PTPRT: variants seen among roughly 807,000 people sequenced by gnomAD.
PTPRT encodes the protein receptor-type tyrosine-protein phosphatase T.
PTPRT carries 56 observed loss-of-function variants against 176.8 expected under a neutral mutation model. The observed-to-expected ratio is 0.32, with a 90% CI of 0.26 to 0.40. The LOEUF (loss-of-function observed/expected upper bound fraction) is 0.40. Among genes scored for constraint, PTPRT ranks in the 10% least tolerant of loss-of-function variants. The pLI, the probability that PTPRT is intolerant of heterozygous loss-of-function variation, is 1.00. For synonymous variants in PTPRT, 783 were observed against 739.0 expected, an observed-to-expected ratio of 1.06 and a Z score of -0.96; for missense variants, 1,540 against 1,908.2, an observed-to-expected ratio of 0.81 and a Z score of 3.60.
intron 6 of PTPRT, among the ~76,000 whole-genome samples, chr20:42,717,845 A>G (rs2076248231): frequency 6.6e-6 from 1 of 152,128 alleles, no homozygotes; most frequent in African/African-American, 2.4e-5. Flanking sequence ...TATCCAATTC[A>G]AACACATGAC....
intron 15 of PTPRT, among the ~76,000 whole-genome samples, chr20:42,209,022 T>A (rs1032523868): frequency 3.9e-5 from 6 of 152,178 alleles, no homozygotes; most frequent in African/African-American, 1.4e-4. Context: ...ACATGGAAAC[T>A]GAACAACCTG....
chr20:43,110,639 GC>G (rs1220505057), intron 1 of PTPRT, among the ~76,000 whole-genome samples: 2 of 152,148 alleles, frequency 1.3e-5, no homozygotes, highest in Non-Finnish European at 2.9e-5. Flanking sequence ...TAAGATATAT[GC>G]CCTTTTCTGT....
chr20:42,605,957 G>A (rs1024456921), intron 7 of PTPRT, among the ~76,000 whole-genome samples: 1 of 152,224 alleles, frequency 6.6e-6, no homozygotes, highest in South Asian at 2.1e-4. Flanking sequence ...ATGGAGGCAT[G>A]GTCTCAGAGC....
intron 1 of PTPRT, among the ~76,000 whole-genome samples, chr20:42,914,350 C>A (rs892102443): frequency 6.6e-6 from 1 of 152,162 alleles, no homozygotes; most frequent in Non-Finnish European, 1.5e-5. Context: ...GTGCTCAAAT[C>A]CCCCTCTTTC....
chr20:42,195,032 C>G (rs1991152743), intron 16 of PTPRT, among the ~76,000 whole-genome samples: 1 of 152,058 alleles, frequency 6.6e-6, no homozygotes, highest in African/African-American at 2.4e-5. Flanking sequence ...GGAGGGATAG[C>G]ATTTGGAGAT....
At chr20:42,667,595 TG>T (rs749641088) in intron 7 of PTPRT, among the ~76,000 whole-genome samples, 77 of 152,248 alleles carry the variant, frequency 5.1e-4, no homozygotes, top group Non-Finnish European at 9.8e-4. Flanking sequence ...AATGCTTCTC[TG>T]TGACTCACTT....
chr20:42,858,758 C>T (rs772912893), intron 2 of PTPRT, among the ~76,000 whole-genome samples: 9 of 152,188 alleles, frequency 5.9e-5, no homozygotes, highest in Non-Finnish European at 1.2e-4. Flanking sequence ...ACTGGACTGA[C>T]AGATGTCAAG....
intron 1 of PTPRT, among the ~76,000 whole-genome samples, chr20:43,113,535 C>A (rs1472887809): frequency 1.3e-5 from 2 of 152,058 alleles, no homozygotes; most frequent in African/African-American, 4.8e-5. Flanking sequence ...CATTGAAAAG[C>A]CCAGAAATAG....
chr20:43,083,338 A>ATG (rs2011501328), intron 1 of PTPRT, among the ~76,000 whole-genome samples: 2 of 112,720 alleles, frequency 1.8e-5, no homozygotes, highest in African/African-American at 3.2e-5. Flanking sequence ...ATATATATAT[A>ATG]TATATATATA....
chr20:43,069,739 G>C (rs1037804639), intron 1 of PTPRT, among the ~76,000 whole-genome samples: 1 of 152,252 alleles, frequency 6.6e-6, no homozygotes, highest in African/African-American at 2.4e-5. Flanking sequence ...GCTGTGAAAT[G>C]GGCTTCCCCA....
At chr20:42,282,453 G>T in intron 13 of PTPRT, 36 bp downstream of exon 13, 1 of 1,580,876 alleles carries the variant, frequency 6.3e-7, no homozygotes, top group South Asian at 1.1e-5. Flanking sequence ...AATGGCTGAA[G>T]AACAGGTGAA....
chr20:43,028,019 A>T (rs2146191236), intron 1 of PTPRT, among the ~76,000 whole-genome samples: 1 of 152,344 alleles, frequency 6.6e-6, no homozygotes, highest in East Asian at 1.9e-4. Context: ...TCCCTGATAC[A>T]GGCCAGAATT....
At chr20:42,326,674 C>A (rs2057887132) in intron 11 of PTPRT, among the ~76,000 whole-genome samples, 1 of 152,114 alleles carries the variant, frequency 6.6e-6, no homozygotes. Context: ...CTATCTCCAG[C>A]CCCTAGCACA....
At chr20:42,244,577 C>T (rs1017258859) in intron 14 of PTPRT, among the ~76,000 whole-genome samples, 3 of 152,034 alleles carry the variant, frequency 2.0e-5, no homozygotes, top group East Asian at 1.9e-4. Context: ...TCCAGGGGTG[C>T]GGATCTTGTG....
the PTPRT span, among the ~76,000 whole-genome samples, chr20:42,067,004 T>C: frequency 6.6e-6 from 1 of 152,178 alleles, no homozygotes; most frequent in Non-Finnish European, 1.5e-5. Flanking sequence ...AGGCACATTC[T>C]CTCATTCCTC....
chr20:42,380,607 T>C (rs1427969052), intron 9 of PTPRT, among the ~76,000 whole-genome samples: 1 of 152,212 alleles, frequency 6.6e-6, no homozygotes, highest in African/African-American at 2.4e-5. Flanking sequence ...AGGAAAGGGC[T>C]GCCAAAGGGG....
At chr20:43,062,560 C>T (rs1236971575) in intron 1 of PTPRT, among the ~76,000 whole-genome samples, 1 of 152,238 alleles carries the variant, frequency 6.6e-6, no homozygotes, top group African/African-American at 2.4e-5. Context: ...TTACTATTAG[C>T]TCTCCCTGAA....
At chr20:42,339,427 C>A (rs1448962205) in intron 11 of PTPRT, among the ~76,000 whole-genome samples, 2 of 152,178 alleles carry the variant, frequency 1.3e-5, no homozygotes, top group Admixed American at 1.3e-4. Context: ...GAAACACACA[C>A]TGAGAGAGAC....
chr20:42,492,698 T>A (rs1431437434), intron 7 of PTPRT, among the ~76,000 whole-genome samples: 2 of 152,174 alleles, frequency 1.3e-5, no homozygotes, highest in Non-Finnish European at 2.9e-5. Flanking sequence ...GATTTTTAAA[T>A]CTGTCCTTTG....
Sources: gnomAD v4.1 joint callset for allele counts (sites outside exome capture counted in the v4.1 genomes callset) on GRCh38, gnomAD v4.1.1 for gene constraint, MANE v1.5 for transcripts, NCBI Gene and HGNC (gene_info 2026-07-23, HGNC 2026-07-21) for gene names.